Variants in SLC39A11 observed in about 807,000 individuals in gnomAD.
SLC39A11 encodes the protein zinc transporter ZIP11.
Under a neutral mutation model 36.1 loss-of-function variants are expected in SLC39A11, and 33 were observed. The ratio of observed to expected loss-of-function variants is 0.91; its 90% CI spans 0.69 to 1.22. The LOEUF is 1.22. SLC39A11 is among the 50% of genes most tolerant of loss of function. The pLI, the probability that SLC39A11 is intolerant of heterozygous loss-of-function variation, is 0.00. For synonymous variants in SLC39A11, 166 were observed against 170.3 expected (o/e 0.97, Z 0.20); for missense variants, 432 against 430.3 (o/e 1.00, Z -0.03).
At chr17:72,785,943 A>G (rs1033734746) in intron 6 of SLC39A11, among the ~76,000 whole-genome samples, 1 of 148,006 alleles carries the variant, frequency 6.8e-6, no homozygotes, top group Non-Finnish European at 1.5e-5. Context: ...CTTAAAAAAA[A>G]TTAAATTTGA....
chr17:72,732,241 C>T lies in SLC39A11; in HGVS notation c.671+4409G>A, dbSNP rs115799699. On this transcript the variant is annotated intron_variant, in intron 7 of 9. Transcript: ENST00000255559. The stretch of plus-strand genomic sequence containing the variant: ...TGTAGGCCAAGCCGGTCTTGAATTC[C>T]CGACCTCGAGGGATCCGCCCGCCTC... 7.5e-3 allele frequency among the ~76,000 whole-genome samples: 1,142 copies of T among 151,582 alleles called. 16 individuals are homozygous for T. Among genetic ancestry groups the T allele is most frequent in the African/African-American group, 0.026 (1,083 of 41,318 alleles).
chr17:73,082,759 C>G (rs1195887324), intron 3 of SLC39A11, among the ~76,000 whole-genome samples: 3 of 152,028 alleles, frequency 2.0e-5, no homozygotes. Context: ...ACCTGTAATC[C>G]CAGCACTTTG....
Position 72,849,652 on chromosome 17 carries a change from TG to T in SLC39A11, c.582del (p.Thr195LeufsTer18). ...WRRIALLILA[I>X]TIHNVPEGLA... ...ACCTCACCTGGAACGTTGTGTATAG[TG>T]ATGGCCAAGATGAGCAGTGCGATCC... On this transcript the variant is annotated frameshift_variant, in exon 6 of 10. Transcript: ENST00000255559. LOFTEE classifies it high-confidence loss of function. The T allele has an allele frequency of 6.3e-7, 1 of 1,577,182 alleles. No homozygotes were observed. The highest frequency in any genetic ancestry group is 8.6e-7 in the Non-Finnish European group (1 of 1,165,008).
chr17:72,790,913 T>A (rs2076679878), intron 6 of SLC39A11, among the ~76,000 whole-genome samples: 1 of 152,174 alleles, frequency 6.6e-6, no homozygotes, highest in African/African-American at 2.4e-5. Context: ...GAAGGAAAGC[T>A]TCAAGGCAAA....
intron 6 of SLC39A11, among the ~76,000 whole-genome samples, chr17:72,784,028 G>C (rs907051419): frequency 6.6e-6 from 1 of 152,092 alleles, no homozygotes; most frequent in African/African-American, 2.4e-5. Flanking sequence ...TACAAGCAAA[G>C]AAAGTATGAA....
intron 7 of SLC39A11, chr17:72,725,575 G>A (rs1323043432): frequency 6.6e-6 from 1 of 152,144 alleles, no homozygotes; most frequent in Non-Finnish European, 1.5e-5. Context: ...CATAGATTTG[G>A]ATAGCGACAC....
intron 7 of SLC39A11, among the ~76,000 whole-genome samples, chr17:72,655,163 T>C (rs1021652889): frequency 2.6e-5 from 4 of 152,216 alleles, no homozygotes; most frequent in Admixed American, 6.5e-5. Context: ...GCACCACAGT[T>C]TCTCTGCCTT....
chr17:73,024,241 G>A (rs990609341), intron 4 of SLC39A11, among the ~76,000 whole-genome samples: 2 of 152,166 alleles, frequency 1.3e-5, no homozygotes, highest in African/African-American at 4.8e-5. Context: ...GCTTTCTACA[G>A]CCAGGCAGAA....
At chr17:72,891,064 C>T (rs940202311) in intron 5 of SLC39A11, among the ~76,000 whole-genome samples, 5 of 118,292 alleles carry the variant, frequency 4.2e-5, no homozygotes, top group African/African-American at 1.6e-4. Context: ...TTGTTGAAAA[C>T]ATAAGAAAAC....
intron 5 of SLC39A11, among the ~76,000 whole-genome samples, chr17:72,912,433 C>CTTT (rs527360752): frequency 2.8e-5 from 4 of 142,514 alleles, no homozygotes; most frequent in Non-Finnish European, 4.6e-5. Context: ...AGGACAATAT[C>CTTT]TTTTTTTTTT....
intron 7 of SLC39A11, among the ~76,000 whole-genome samples, chr17:72,664,488 G>A (rs563237300): frequency 2.6e-5 from 4 of 152,258 alleles, no homozygotes; most frequent in Admixed American, 6.5e-5. Context: ...AACCAGAGGC[G>A]GGGATCTACC....
At position 73,070,367 on chromosome 17, in the gene SLC39A11, G is replaced by A. The variant is rs181290530; in HGVS notation, c.147+14441C>T. On this transcript the variant is annotated intron_variant, in intron 3 of 9. Transcript: ENST00000255559. ...GACAGGGCTGCAGCTAGACACCAGA[G>A]GTGACAGCCTCCTCCCAGGCTTCCC... 2.6e-5 allele frequency among the ~76,000 whole-genome samples: 4 copies of A among 152,286 alleles called. No homozygotes were observed. In the East Asian group the frequency reaches 7.7e-4, roughly 29 times the overall value.
chr17:72,911,416 T>TTAAAAAAAAAAAACTTTAAGTATAA (rs2082988902), intron 5 of SLC39A11, among the ~76,000 whole-genome samples: 37 of 83,540 alleles, frequency 4.4e-4, no homozygotes, highest in Non-Finnish European at 2.4e-4. Flanking sequence ...TAAAGTATAA[T>TTAAAAAAAAAAAACTTTAAGTATAA]TTAAAAAAAA....
At chr17:72,813,826 G>A (rs984647180) in intron 6 of SLC39A11, among the ~76,000 whole-genome samples, 5 of 152,190 alleles carry the variant, frequency 3.3e-5, no homozygotes, top group Admixed American at 6.5e-5. Flanking sequence ...AGAGGGAGGC[G>A]GCAGAGAAGG....
At chr17:72,708,432 GA>G (rs2072980203) in intron 7 of SLC39A11, among the ~76,000 whole-genome samples, 1 of 152,200 alleles carries the variant, frequency 6.6e-6, no homozygotes, top group South Asian at 2.1e-4. Context: ...CCCACTGTGT[GA>G]ATTTGGACTT....
At chr17:72,775,323 ATC>A (rs1247244095) in intron 6 of SLC39A11, among the ~76,000 whole-genome samples, 5 of 152,208 alleles carry the variant, frequency 3.3e-5, no homozygotes, top group Non-Finnish European at 7.4e-5. Context: ...CATCAGCATC[ATC>A]TGTGACCCTC....
chr17:72,690,298 G>A (rs2071964560), intron 7 of SLC39A11, among the ~76,000 whole-genome samples: 1 of 152,214 alleles, frequency 6.6e-6, no homozygotes, highest in African/African-American at 2.4e-5. Context: ...TCCTCCCAGG[G>A]GGACGTCCTG....
chr17:72,850,406 A>T (rs943717719), intron 5 of SLC39A11, among the ~76,000 whole-genome samples: 2 of 151,948 alleles, frequency 1.3e-5, no homozygotes, highest in African/African-American at 4.8e-5. Context: ...GTGAGTTGTG[A>T]TCACACCATT....
chr17:72,810,479 C>A (rs1428258167), intron 6 of SLC39A11, among the ~76,000 whole-genome samples: 1 of 152,186 alleles, frequency 6.6e-6, no homozygotes, highest in Non-Finnish European at 1.5e-5. Context: ...GCAAAAGAAG[C>A]TGGCTACAGA....
Sources: gnomAD v4.1 joint callset for allele counts (sites outside exome capture counted in the v4.1 genomes callset) on GRCh38, gnomAD v4.1.1 for gene constraint, MANE v1.5 for transcripts, NCBI Gene and HGNC (gene_info 2026-07-23, HGNC 2026-07-21) for gene names.